Variants in PTDSS1 observed in about 807,000 individuals in gnomAD.
PTDSS1 encodes PSS-1.
A neutral mutation model predicts 70.5 loss-of-function variants in PTDSS1; 45 were observed. The observed-to-expected ratio is 0.64, with a 90% CI of 0.50 to 0.82. The LOEUF (loss-of-function observed/expected upper bound fraction) is 0.82. Ranked by LOEUF, PTDSS1 falls within the 40% of genes least tolerant of loss-of-function variation. The pLI, the probability that PTDSS1 is intolerant of heterozygous loss-of-function variation, is 0.00. For synonymous variants in PTDSS1, 188 were observed against 203.8 expected (o/e 0.92, Z 0.66); for missense variants, 417 against 586.1 (o/e 0.71, Z 2.98).
chr8:96,329,783 T>C (rs1374425441), intron 10 of PTDSS1, among the ~76,000 whole-genome samples: 2 of 152,192 alleles, frequency 1.3e-5, no homozygotes, highest in East Asian at 3.9e-4. Flanking sequence ...CAGGTGCCGC[T>C]GTGACCTCTT....
intron 2 of PTDSS1, 24 bp from the exon 3 acceptor site, chr8:96,284,085 C>T (rs1436443584): frequency 6.3e-7 from 1 of 1,591,258 alleles, no homozygotes; most frequent in Non-Finnish European, 8.6e-7. Context: ...TTCCTTCTAA[C>T]TTTATAATGT....
chr8:96,331,933 A>G (rs1811521836), intron 12 of PTDSS1, among the ~76,000 whole-genome samples: 1 of 148,120 alleles, frequency 6.8e-6, no homozygotes, highest in African/African-American at 2.5e-5. Flanking sequence ...GCCTGTAGTT[A>G]CAGCTAGTCA....
At chr8:96,292,399 C>T (rs77879751) in intron 4 of PTDSS1, among the ~76,000 whole-genome samples, 2 of 150,736 alleles carry the variant, frequency 1.3e-5, no homozygotes, top group East Asian at 2.0e-4. Context: ...GTGAAAAAGA[C>T]GTGTCATAGA....
chr8:96,293,682 G>C (rs557842461), intron 4 of PTDSS1, among the ~76,000 whole-genome samples: 1 of 152,234 alleles, frequency 6.6e-6, no homozygotes, highest in Admixed American at 6.5e-5. Flanking sequence ...ATGCCTTTCC[G>C]CATGTCAAAG....
At chr8:96,330,793 C>A in intron 11 of PTDSS1, 1 of 521,468 alleles carries the variant, frequency 1.9e-6, no homozygotes, top group Non-Finnish European at 3.4e-6. Flanking sequence ...TTTATTTACA[C>A]CTTCAGTCTA....
intron 2 of PTDSS1, among the ~76,000 whole-genome samples, chr8:96,274,486 G>A (rs1294295285): frequency 6.6e-6 from 1 of 152,188 alleles, no homozygotes; most frequent in Non-Finnish European, 1.5e-5. Context: ...AGCACTTTGG[G>A]AAGCCGAGGT....
intron 10 of PTDSS1, among the ~76,000 whole-genome samples, chr8:96,326,714 G>A (rs755067023): frequency 2.6e-5 from 4 of 152,200 alleles, no homozygotes; most frequent in Non-Finnish European, 5.9e-5. Flanking sequence ...TTTTCAAGCG[G>A]GGAAACAATG....
intron 10 of PTDSS1, among the ~76,000 whole-genome samples, chr8:96,327,441 A>G (rs538591569): frequency 6.6e-6 from 1 of 152,268 alleles, no homozygotes; most frequent in South Asian, 2.1e-4. Context: ...CCCTTTAAAG[A>G]AGAACAGAAA....
chr8:96,307,187 A>G (rs1338913310), intron 8 of PTDSS1, among the ~76,000 whole-genome samples: 1 of 152,158 alleles, frequency 6.6e-6, no homozygotes, highest in African/African-American at 2.4e-5. Flanking sequence ...TCCTATTTAG[A>G]AATGGCATTT....
chr8:96,262,248 C>T lies in PTDSS1; in HGVS notation c.179+29C>T, dbSNP rs767962074. The stretch of plus-strand genomic sequence containing the variant: ...GGGCGGCCCAGCCGAGCGGGGGGCG[C>T]GTCCAAGGGCTAGGGAAGAGGCGGG... On this transcript the variant is annotated intron_variant, in intron 1 of 12. Coordinates refer to ENST00000517309, the MANE Select transcript of PTDSS1 (RefSeq NM_014754.3). This position sits in a 1 kb window ranked among gnomAD's most constrained non-coding sequence, Gnocchi z 4.4. 2.3e-6 allele frequency: 3 copies of T among 1,327,358 alleles called. No individual in the cohort carries two copies. In the African/African-American group the frequency reaches 4.6e-5, roughly 20 times the overall value. 82.2% of individuals were successfully genotyped at this position (1,327,358 alleles called of 1,614,324 possible).
At chr8:96,275,145 T>TGA (rs1810621819) in intron 2 of PTDSS1, among the ~76,000 whole-genome samples, 2 of 151,918 alleles carry the variant, frequency 1.3e-5, no homozygotes, top group Non-Finnish European at 2.9e-5. Context: ...GAATTTTTAA[T>TGA]TAAAAAAAAA....
chr8:96,303,664 G>A (rs770536889), intron 6 of PTDSS1, among the ~76,000 whole-genome samples: 4 of 152,134 alleles, frequency 2.6e-5, no homozygotes, highest in Middle Eastern at 3.2e-3. Context: ...TTTCGAGGAT[G>A]CAAATGAAGA....
At chr8:96,319,163 C>A (rs1046377698) in intron 9 of PTDSS1, among the ~76,000 whole-genome samples, 1 of 151,948 alleles carries the variant, frequency 6.6e-6, no homozygotes, top group Admixed American at 6.6e-5. Flanking sequence ...ATCCGCTCGC[C>A]TCAGCCTCCC....
intron 9 of PTDSS1, among the ~76,000 whole-genome samples, chr8:96,312,279 T>C (rs1811223589): frequency 6.6e-6 from 1 of 152,120 alleles, no homozygotes; most frequent in Non-Finnish European, 1.5e-5. Context: ...AGCGAGACGT[T>C]GTCTCCACAA....
At chr8:96,311,098 G>A (rs1340036906) in intron 9 of PTDSS1, among the ~76,000 whole-genome samples, 1 of 152,194 alleles carries the variant, frequency 6.6e-6, no homozygotes, top group East Asian at 1.9e-4. Flanking sequence ...TTATTTAACT[G>A]ATGAGAAAGA....
At chr8:96,306,938 A>G (rs867126278) in intron 8 of PTDSS1, among the ~76,000 whole-genome samples, 4 of 152,364 alleles carry the variant, frequency 2.6e-5, no homozygotes, top group Middle Eastern at 3.4e-3. Flanking sequence ...AACTGAAGTC[A>G]TAAATGACAT....
rs1195907821 is a variant in PTDSS1, at chr8:96,287,080, G to C, written c.375G>C (p.Gln125His). 1 of 1,613,938 alleles carries C rather than the reference G, an allele frequency of 6.2e-7. No homozygotes were observed. Among genetic ancestry groups the C allele is most frequent in the Non-Finnish European group, 8.5e-7 (1 of 1,179,936 alleles). Residue 125 changes from glutamine to histidine, a missense_variant, in exon 4 of 13, where the codon CAG becomes CAC. Gln to His is a conservative substitution (Grantham distance 24). This residue lies in a region of PTDSS1 where 272 missense variants were observed against 429.5 expected (regional missense o/e 0.63). Transcript: ENST00000517309. ...TCCTACTCTTCCTGAATTTCGAGCA[G>C]GTTAAATCTCTAATGTATTGGCTAG... is the stretch of plus-strand genomic sequence containing the variant. ...LVFLLFLNFEQVKSLMYWLDP... is the reference protein window; with the variant it reads ...LVFLLFLNFEHVKSLMYWLDP...
chr8:96,294,943 C>G (rs995977082), intron 4 of PTDSS1, among the ~76,000 whole-genome samples, 155 bp from the exon 5 acceptor site: 14 of 152,252 alleles, frequency 9.2e-5, no homozygotes, highest in African/African-American at 3.4e-4. Context: ...TATTTTCCCT[C>G]AAGGCCCTTA....
chr8:96,277,736 C>G (rs953150580), intron 2 of PTDSS1, among the ~76,000 whole-genome samples: 1 of 152,038 alleles, frequency 6.6e-6, no homozygotes, highest in African/African-American at 2.4e-5. Context: ...TGTGTGAGTT[C>G]ATGTATGTTA....
Sources: gnomAD v4.1 joint callset for allele counts (sites outside exome capture counted in the v4.1 genomes callset) on GRCh38, gnomAD v4.1.1 for gene constraint, gnomAD v4.1.1 regional missense constraint, Gnocchi (gnomAD v3.1) non-coding constraint, MANE v1.5 for transcripts, NCBI Gene and HGNC (gene_info 2026-07-23, HGNC 2026-07-21) for gene names.